PRKN: variants seen among roughly 807,000 people sequenced by gnomAD.
The protein encoded by PRKN is parkin RBR E3 ubiquitin protein ligase.
In PRKN, 56 loss-of-function variants were observed where a neutral mutation model predicts 59.5. That is an observed-to-expected ratio of 0.94 (90% CI 0.76 to 1.18). PRKN has a LOEUF of 1.18. PRKN is among the 50% of genes most tolerant of loss of function. The probability of loss-of-function intolerance (pLI) is 0.00; values close to 1 mark genes in which losing one functional copy is unlikely to be tolerated. For missense variants in PRKN, 657 were observed against 596.4 expected, an observed-to-expected ratio of 1.10 and a Z score of -1.06; for synonymous variants, 250 against 222.1, an observed-to-expected ratio of 1.13 and a Z score of -1.12.
intron 7 of PRKN, among the ~76,000 whole-genome samples, chr6:161,649,623 C>A: frequency 6.6e-6 from 1 of 152,108 alleles, no homozygotes; most frequent in East Asian, 1.9e-4. Context: ...TGTTTTATTT[C>A]TCACCTTCTG....
At chr6:162,498,437 TTC>T (rs1452958108) in intron 1 of PRKN, among the ~76,000 whole-genome samples, 6,373 of 95,702 alleles carry the variant, frequency 0.067, 996 homozygotes, top group Non-Finnish European at 0.1. Context: ...TCTTTCCTTT[TTC>T]TTTTTTTTTT....
chr6:162,220,429 GC>G (rs1374905193), intron 3 of PRKN, among the ~76,000 whole-genome samples: 4 of 152,150 alleles, frequency 2.6e-5, no homozygotes, highest in Non-Finnish European at 5.9e-5. Context: ...TCAGGAATGA[GC>G]CCAGCAAGGC....
intron 9 of PRKN, among the ~76,000 whole-genome samples, chr6:161,450,835 G>A (rs111227477): frequency 4.6e-5 from 7 of 152,138 alleles, no homozygotes; most frequent in Non-Finnish European, 5.9e-5. Context: ...GATTACAGGC[G>A]TGAGCCACCA....
At chr6:162,416,410 C>T (rs1047491885) in intron 2 of PRKN, among the ~76,000 whole-genome samples, 4 of 152,294 alleles carry the variant, frequency 2.6e-5, no homozygotes, top group African/African-American at 9.6e-5. Flanking sequence ...TCTATTCGGT[C>T]TGTGCCAAGA....
intron 7 of PRKN, among the ~76,000 whole-genome samples, chr6:161,573,846 A>C (rs1268230430): frequency 1.5e-5 from 2 of 130,318 alleles, no homozygotes; most frequent in Non-Finnish European, 3.2e-5. Flanking sequence ...TTTCTTTACA[A>C]GCGGTCTTTT....
rs1786818037 is a variant in PRKN, at chr6:161,397,510, C to T, written c.1084-10633G>A. Among the ~76,000 whole-genome samples, 1 of 152,208 alleles carries T rather than the reference C, an allele frequency of 6.6e-6. No individual in the cohort carries two copies. Reference sequence around the variant, plus strand: ...TCAAGCTTAATTGACTGCCTCTCTTCTAACAACTTCTCAAAATCTATTCCA... The same window carrying T: ...TCAAGCTTAATTGACTGCCTCTCTTTTAACAACTTCTCAAAATCTATTCCA... On this transcript the variant is annotated intron_variant, in intron 9 of 11. Transcript: ENST00000366898. The surrounding 1 kb of genome is among the most constrained non-coding windows in gnomAD (Gnocchi z 4.2).
chr6:162,469,196 T>C (rs1791584150), intron 1 of PRKN, among the ~76,000 whole-genome samples: 1 of 152,072 alleles, frequency 6.6e-6, no homozygotes, highest in Admixed American at 6.5e-5. Flanking sequence ...CACTTAAGAC[T>C]ACTGTGTTTG....
chr6:162,580,945 T>C (rs912309402), intron 1 of PRKN, among the ~76,000 whole-genome samples: 2 of 152,146 alleles, frequency 1.3e-5, no homozygotes, highest in African/African-American at 4.8e-5. Context: ...AAAAATACAA[T>C]GGAATGTCTA....
chr6:162,021,122 ATATATATATATATATATAT>A lies in PRKN; in HGVS notation c.618+32950_618+32968del, dbSNP rs1783139980. Among the ~76,000 whole-genome samples, 20 of 3,284 alleles carry A rather than the reference ATATATATATATATATATAT, an allele frequency of 6.1e-3. 1 individual carries two copies. The highest frequency in any genetic ancestry group is 0.013 in the African/African-American group (4 of 310). The allele number at this position is 3,284 out of a possible 152,430, so 2.2% of individuals were successfully genotyped here. A position where few individuals can be genotyped will look rare whatever the true frequency, so the allele number is the denominator to read the frequency against. Reference sequence around the variant, plus strand: ...TGTCTCAAAAAAAAAACAAAAACATATATATATATATATATATATATATATATATATATATATATATATA... The same window carrying A: ...TGTCTCAAAAAAAAAACAAAAACATAATATATATATATATATATATATATA... On this transcript the variant is annotated intron_variant, in intron 5 of 11. Transcript: ENST00000366898.
At chr6:161,608,770 C>A (rs560276841) in intron 7 of PRKN, among the ~76,000 whole-genome samples, 10 of 151,884 alleles carry the variant, frequency 6.6e-5, no homozygotes, top group Non-Finnish European at 1.3e-4. Flanking sequence ...GAATTCCTGA[C>A]CTCAAGTGAT....
chr6:162,550,171 AATG>A (rs1248426947), intron 1 of PRKN, among the ~76,000 whole-genome samples: 3 of 152,212 alleles, frequency 2.0e-5, no homozygotes, highest in Non-Finnish European at 4.4e-5. Context: ...TGATAATAAT[AATG>A]AGTATGTAGC....
intron 1 of PRKN, among the ~76,000 whole-genome samples, chr6:162,593,262 C>A (rs1781377569): frequency 6.6e-6 from 1 of 152,136 alleles, no homozygotes; most frequent in Non-Finnish European, 1.5e-5. Context: ...CAACTGGTTG[C>A]ATATGAAAGA....
chr6:162,449,088 T>G (rs1790464920), intron 1 of PRKN, among the ~76,000 whole-genome samples: 2 of 152,056 alleles, frequency 1.3e-5, no homozygotes, highest in African/African-American at 4.8e-5. Flanking sequence ...GGTTTCCTCA[T>G]GTTGGCCAGG....
chr6:161,779,437 T>TTCC, intron 7 of PRKN, among the ~76,000 whole-genome samples: 1 of 100,414 alleles, frequency 1.0e-5, no homozygotes, highest in Non-Finnish European at 2.0e-5. Context: ...TTTCTTTTCT[T>TTCC]TTCTTTTTTT....
At chr6:161,938,192 C>T (rs1184808057) in intron 6 of PRKN, among the ~76,000 whole-genome samples, 2 of 152,076 alleles carry the variant, frequency 1.3e-5, no homozygotes, top group African/African-American at 2.4e-5. Flanking sequence ...TGCATGGGTC[C>T]ACAGAACACT....
intron 1 of PRKN, among the ~76,000 whole-genome samples, chr6:162,665,968 G>T (rs757817799): frequency 2.0e-5 from 3 of 152,148 alleles, no homozygotes; most frequent in Non-Finnish European, 4.4e-5. Flanking sequence ...TGGAAAACTG[G>T]CTCGACATAT....
intron 6 of PRKN, among the ~76,000 whole-genome samples, chr6:161,870,272 GC>G (rs5881442): frequency 0.091 from 13,821 of 151,986 alleles, 831 homozygotes; most frequent in African/African-American, 0.16. Context: ...AAAATCAGAA[GC>G]CCCCCCACAG....
chr6:161,493,969 T>C (rs1477554728), intron 9 of PRKN, among the ~76,000 whole-genome samples: 1 of 152,182 alleles, frequency 6.6e-6, no homozygotes. Flanking sequence ...GGACGCTCGA[T>C]CAGCCGTTTC....
At chr6:161,763,020 C>T (rs1020048194) in intron 7 of PRKN, among the ~76,000 whole-genome samples, 7 of 152,116 alleles carry the variant, frequency 4.6e-5, no homozygotes, top group Non-Finnish European at 8.8e-5. Flanking sequence ...GAATAGATGA[C>T]AGTTTCTTAA....
Sources: gnomAD v4.1 joint callset for allele counts (sites outside exome capture counted in the v4.1 genomes callset) on GRCh38, gnomAD v4.1.1 for gene constraint, Gnocchi (gnomAD v3.1) non-coding constraint, MANE v1.5 for transcripts, NCBI Gene and HGNC (gene_info 2026-07-23, HGNC 2026-07-21) for gene names.